Variants in PCDHGA10 observed in about 807,000 individuals in gnomAD.
The protein encoded by PCDHGA10 is protocadherin gamma subfamily A, 10, also known as protocadherin gamma-A10.
A neutral mutation model predicts 59.5 loss-of-function variants in PCDHGA10; 42 were observed. That is an observed-to-expected ratio of 0.71 (90% confidence interval 0.55 to 0.91). The LOEUF (loss-of-function observed/expected upper bound fraction) is 0.91. Among genes scored for constraint, PCDHGA10 ranks in the 40% least tolerant of loss-of-function variants. PCDHGA10 has a pLI of 0.00. For missense variants in PCDHGA10, 1,111 were observed against 1,198.2 expected, an observed-to-expected ratio of 0.93 and a Z score of 1.07; for synonymous variants, 511 against 517.2, an observed-to-expected ratio of 0.99 and a Z score of 0.16.
At chr5:141,423,750 T>TGG (rs144521096) in intron 1 of PCDHGA10, 9,462 of 287,056 alleles carry the variant, frequency 0.033, 140 homozygotes, top group African/African-American at 0.097. Flanking sequence ...GAAAACTGTT[T>TGG]GGGGGGGGGG....
Position 141,414,407 on chromosome 5 carries a change from A to T in PCDHGA10, c.1232A>T (p.His411Leu), listed in dbSNP as rs181582338. The change falls in exon 1 of 4, where the codon CAC (histidine) becomes CTC (leucine). Residue 411 changes from histidine (H) to leucine (L), a missense_variant. Transcript: ENST00000398610. ...GACAGTTATTACAGATTGGTGATACACAGAGCCCTTGACAGGGAACAGGTA... is the reference window on the plus strand; with the variant it reads ...GACAGTTATTACAGATTGGTGATACTCAGAGCCCTTGACAGGGAACAGGTA... ...SIDSYYRLVI[H>L]RALDREQVSS... 96 of 1,613,912 alleles carry T rather than the reference A, an allele frequency of 5.9e-5. No individual in the cohort carries two copies. In the East Asian group the frequency reaches 1.5e-3, roughly 25 times the overall value.
rs1184232947 is a variant in PCDHGA10 at position 141,487,060 on chromosome 5, G to T, written c.2437-7747G>T. ...TCTCTCGATATGCTGGGGAGGTGCG[G>T]ACGGCTGTTCCTATCCCAGCTGACC... On this transcript the variant is annotated intron_variant, in intron 1 of 3. Transcript: ENST00000398610. This position sits in a 1 kb window ranked among gnomAD's most constrained non-coding sequence, Gnocchi z 5.0. The T allele has an allele frequency of 1.9e-6, 3 of 1,614,182 alleles. No individual in the cohort carries two copies. In the East Asian group the frequency reaches 6.7e-5, roughly 36 times the overall value.
chr5:141,510,916 G>C (rs1044988697), intron 3 of PCDHGA10, 31 bp from the exon 4 acceptor site: 2 of 1,613,714 alleles, frequency 1.2e-6, no homozygotes, highest in African/African-American at 1.3e-5. Flanking sequence ...CCTAAGTTTA[G>C]CTCCCACCTG....
intron 1 of PCDHGA10, chr5:141,418,077 T>C (rs770464447): frequency 6.8e-6 from 11 of 1,613,914 alleles, no homozygotes; most frequent in Non-Finnish European, 8.5e-6. Flanking sequence ...GCGGAGAAGC[T>C]GCACTTCAGC....
In PCDHGA10 at chr5:141,455,477, C is replaced by T. The variant is rs557286491; in HGVS notation, c.2437-39330C>T. On this transcript the variant is annotated intron_variant, in intron 1 of 3. Coordinates refer to ENST00000398610, the MANE Select transcript of PCDHGA10 (RefSeq NM_018913.3). ...TACCAGCCAGGTATATATGCAGAGG[C>T]TGGTGGAGGTGATGTCTGATTTGCA... Among the ~76,000 whole-genome samples the T allele has an allele frequency of 1.2e-4, 18 of 152,252 alleles. No homozygotes were observed. The South Asian group carries it at 3.7e-3, about 32-fold the overall frequency.
intron 1 of PCDHGA10, among the ~76,000 whole-genome samples, chr5:141,488,261 G>T (rs993627373): frequency 6.6e-6 from 1 of 152,148 alleles, no homozygotes; most frequent in Non-Finnish European, 1.5e-5. Flanking sequence ...GGTTGGGGCG[G>T]GTTGGTCATC....
chr5:141,486,565 TC>T lies in PCDHGA10; in HGVS notation c.2437-8240del. The T allele has an allele frequency of 6.2e-7, 1 of 1,614,024 alleles. No homozygotes were observed. The highest frequency in any genetic ancestry group is 2.2e-5 in the East Asian group (1 of 44,880). On this transcript the variant is annotated intron_variant, in intron 1 of 3. Transcript: ENST00000398610. This position sits in a 1 kb window ranked among gnomAD's most constrained non-coding sequence, Gnocchi z 5.0. Reference sequence around the variant, plus strand: ...TTCAGAGGTCACATGAGGTGTTTGTTCCTGAGAACAATCGCCCAGGGGACCT... The same window carrying T: ...TTCAGAGGTCACATGAGGTGTTTGTTCTGAGAACAATCGCCCAGGGGACCT...
rs779292483 is a variant in PCDHGA10 at position 141,491,102 on chromosome 5, T to C, written c.2437-3705T>C. The C allele has an allele frequency of 6.2e-7, 1 of 1,614,152 alleles. No individual in the cohort carries two copies. Among genetic ancestry groups the C allele is most frequent in the Non-Finnish European group, 8.5e-7 (1 of 1,180,006 alleles). ...TCCACAGCCCCAGGACTGTTCCTCG[T>C]GTCTACACACACTGGTGAGGTGCGC... On this transcript the variant is annotated intron_variant, in intron 1 of 3. Transcript: ENST00000398610. This position sits in a 1 kb window ranked among gnomAD's most constrained non-coding sequence, Gnocchi z 6.9.
At chr5:141,478,412 TC>T in intron 1 of PCDHGA10, 2 of 1,611,958 alleles carry the variant, frequency 1.2e-6, no homozygotes, top group Non-Finnish European at 1.7e-6. Flanking sequence ...CACCACGGAC[TC>T]CCGCCGCAGC....
Position 141,438,643 on chromosome 5 carries a change from C to CATAT in PCDHGA10, c.2436+23033_2436+23034insTATA, listed in dbSNP as rs1213792286. ...ATATATATATATATATATACACACACACACACACATATATGTATATATATA... is the reference window on the plus strand; with the variant it reads ...ATATATATATATATATATACACACACATATACACACACATATATGTATATATATA... On this transcript the variant is annotated intron_variant, in intron 1 of 3. Transcript: ENST00000398610. Among the ~76,000 whole-genome samples, 345 of 117,382 alleles carry CATAT rather than the reference C, an allele frequency of 2.9e-3. 2 individuals are homozygous for CATAT. Among genetic ancestry groups the CATAT allele is most frequent in the Admixed American group, 6.8e-3 (78 of 11,434 alleles). 77.0% of individuals were successfully genotyped at this position (117,382 alleles called of 152,430 possible). A position where few individuals can be genotyped will look rare whatever the true frequency, so the allele number is the denominator to read the frequency against.
Position 141,486,885 on chromosome 5 carries a change from G to A in PCDHGA10, c.2437-7922G>A, listed in dbSNP as rs139638334. On this transcript the variant is annotated intron_variant, in intron 1 of 3. Transcript: ENST00000398610. The surrounding 1 kb of genome is among the most constrained non-coding windows in gnomAD (Gnocchi z 5.0). ...CCAGCTGTGCTCCGTCCTCGGGCCC[G>A]GCCTGGTTCCTTATGTCCCCAAGCA... is the stretch of plus-strand genomic sequence containing the variant. 16 of 1,614,076 alleles carry A rather than the reference G, an allele frequency of 9.9e-6. No individual in the cohort carries two copies. The highest frequency in any genetic ancestry group is 1.6e-4 in the Middle Eastern group (1 of 6,084).
In PCDHGA10 at chr5:141,433,358, C is replaced by CCTATCTATCTATCTAT. The variant is rs3074541; in HGVS notation, c.2436+17780_2436+17795dup. ...ACAGGTGCAAGCCACCTACTGTCTG[C>CCTATCTATCTATCTAT]CTATCTATCTATCTATCTATCTATC... On this transcript the variant is annotated intron_variant, in intron 1 of 3. Coordinates refer to ENST00000398610, the MANE Select transcript of PCDHGA10 (RefSeq NM_018913.3). 1.1e-3 allele frequency: 566 copies of CCTATCTATCTATCTAT among 504,038 alleles called. 2 individuals carry two copies. The highest frequency in any genetic ancestry group is 1.7e-3 in the East Asian group (49 of 28,778). The allele number at this position is 504,038 out of a possible 1,614,324, so 31.2% of individuals were successfully genotyped here.
intron 1 of PCDHGA10, among the ~76,000 whole-genome samples, chr5:141,447,983 G>A (rs1311439824): frequency 6.6e-6 from 1 of 151,972 alleles, no homozygotes; most frequent in Non-Finnish European, 1.5e-5. Context: ...CTACTCGGGA[G>A]GCTGAGGCAT....
intron 1 of PCDHGA10, among the ~76,000 whole-genome samples, chr5:141,448,768 G>A (rs544426582): frequency 1.3e-5 from 2 of 151,632 alleles, no homozygotes; most frequent in Non-Finnish European, 2.9e-5. Flanking sequence ...GTGAAACCCC[G>A]TCTGTACTAA....
intron 1 of PCDHGA10, chr5:141,478,139 G>A: frequency 6.2e-7 from 1 of 1,614,040 alleles, no homozygotes; most frequent in Non-Finnish European, 8.5e-7. Context: ...TGAAGCCCGA[G>A]CCGAGTTCCC....
At chr5:141,499,966 G>A (rs1403177792) in intron 2 of PCDHGA10, among the ~76,000 whole-genome samples, 1 of 151,988 alleles carries the variant, frequency 6.6e-6, no homozygotes, top group African/African-American at 2.4e-5. Flanking sequence ...GGGATTACAG[G>A]TGTGAGCCAC....
chr5:141,415,772 T>TTTTA, intron 1 of PCDHGA10, 161 bp downstream of exon 1: 1 of 1,332,982 alleles, frequency 7.5e-7, no homozygotes, highest in Non-Finnish European at 9.6e-7. Context: ...TTTTTTTTTT[T>TTTTA]ACTTTCTGGT....
chr5:141,414,054 G>T lies in PCDHGA10; in HGVS notation c.879G>T (p.Leu293Phe). The T allele has an allele frequency of 6.2e-7, 1 of 1,610,250 alleles. No individual in the cohort carries two copies. Among genetic ancestry groups the T allele is most frequent in the South Asian group, 1.1e-5 (1 of 90,576 alleles). ...YSFRKLPDTQ[L>F]LKFQLNKYTG... Reference sequence around the variant, plus strand: ...TCCGAAAATTACCTGACACGCAATTGTTGAAGTTCCAACTAAACAAATATA... The same window carrying T: ...TCCGAAAATTACCTGACACGCAATTTTTGAAGTTCCAACTAAACAAATATA... The change falls in exon 1 of 4, where the codon TTG becomes TTT. Residue 293 changes from leucine to phenylalanine, a missense_variant. By Grantham distance (22) the Leu-to-Phe change is conservative. Coordinates refer to ENST00000398610, the MANE Select transcript of PCDHGA10 (RefSeq NM_018913.3).
intron 1 of PCDHGA10, among the ~76,000 whole-genome samples, chr5:141,465,041 C>T (rs2099095802): frequency 6.6e-6 from 1 of 151,856 alleles, no homozygotes; most frequent in Non-Finnish European, 1.5e-5. Flanking sequence ...CACAAATGAC[C>T]CTATATATTT....
Sources: allele counts gnomAD v4.1 joint callset (sites outside exome capture counted in the v4.1 genomes callset), GRCh38; gene constraint gnomAD v4.1.1; non-coding constraint Gnocchi (gnomAD v3.1); transcripts MANE v1.5; gene names NCBI Gene and HGNC (gene_info 2026-07-23, HGNC 2026-07-21).